Variants in SNTG1 observed in about 807,000 individuals in gnomAD.
The protein encoded by SNTG1 is gamma-1-syntrophin.
In SNTG1, 39 loss-of-function variants were observed where a neutral mutation model predicts 74.7. The ratio of observed to expected loss-of-function variants is 0.52; its 90% CI spans 0.40 to 0.68. The LOEUF is 0.68. Among genes scored for constraint, SNTG1 ranks in the 30% least tolerant of loss-of-function variants. The probability of loss-of-function intolerance (pLI) is 0.00; values close to 1 mark genes in which losing one functional copy is unlikely to be tolerated. For synonymous variants in SNTG1, 254 were observed against 217.1 expected, an observed-to-expected ratio of 1.17 and a Z score of -1.49; for missense variants, 685 against 609.5, an observed-to-expected ratio of 1.12 and a Z score of -1.30.
intron 1 of SNTG1, among the ~76,000 whole-genome samples, chr8:50,005,254 A>G (rs1017434242): frequency 6.6e-6 from 1 of 152,096 alleles, no homozygotes; most frequent in Non-Finnish European, 1.5e-5. Flanking sequence ...ACATATCATC[A>G]AGAGTGTTAT....
chr8:50,622,517 C>T (rs1260657100), intron 13 of SNTG1, among the ~76,000 whole-genome samples: 1 of 151,978 alleles, frequency 6.6e-6, no homozygotes, highest in Non-Finnish European at 1.5e-5. Flanking sequence ...AAGTTTATGT[C>T]TTAAGGTAGT....
intron 15 of SNTG1, among the ~76,000 whole-genome samples, chr8:50,698,995 C>G (rs2095414417): frequency 6.6e-6 from 1 of 152,082 alleles, no homozygotes; most frequent in South Asian, 2.1e-4. Context: ...TCGTGTGTTA[C>G]TGTTGAACTC....
intron 2 of SNTG1, among the ~76,000 whole-genome samples, chr8:50,358,412 G>A (rs2091875742): frequency 6.6e-6 from 1 of 152,160 alleles, no homozygotes; most frequent in Non-Finnish European, 1.5e-5. Flanking sequence ...AACCCTGAAG[G>A]ACAGCATATG....
At chr8:50,188,047 A>G (rs1337527990) in intron 2 of SNTG1, among the ~76,000 whole-genome samples, 3 of 152,184 alleles carry the variant, frequency 2.0e-5, no homozygotes, top group Non-Finnish European at 4.4e-5. Context: ...ATGGCTGGTG[A>G]AAGAGCCTGG....
At position 50,172,604 on chromosome 8, in the gene SNTG1, CA is replaced by C. The variant is rs1172723869; in HGVS notation, c.-55del. ...GAGATTGCCCGAGAAGTGACCCCAG[CA>C]AAAGAAAAATATTGCTGTACCTAAA... On this transcript the variant is annotated 5_prime_UTR_variant, in exon 2 of 19. Coordinates refer to ENST00000642720, the MANE Select transcript of SNTG1 (RefSeq NM_018967.5). 1 of 151,846 alleles carries C rather than the reference CA, an allele frequency of 6.6e-6. No individual in the cohort carries two copies. Among genetic ancestry groups the C allele is most frequent in the Non-Finnish European group, 1.5e-5 (1 of 67,976 alleles). The allele number at this position is 151,846 out of a possible 1,614,324, so 9.4% of individuals were successfully genotyped here.
chr8:50,704,697 C>A lies in SNTG1; in HGVS notation c.1136C>A (p.Ala379Asp), dbSNP rs1000120310. ...YFSVELESDL[A>D]QWERAFQTAT... is the part of the protein sequence containing the mutation. ...TCAGTGGAGCTGGAAAGTGACCTCG[C>A]CCAGTGGGAAAGAGCCTTCCAGACA... The change falls in exon 16 of 19, where the codon GCC (alanine) becomes GAC (aspartate). Residue 379 changes from alanine (A) to aspartate (D), a missense_variant. Ala to Asp is a moderately radical substitution (Grantham distance 126). Transcript: ENST00000642720. 3 of 1,614,092 alleles carry A rather than the reference C, an allele frequency of 1.9e-6. No homozygotes were observed. Among genetic ancestry groups the A allele is most frequent in the Admixed American group, 3.3e-5 (2 of 60,012 alleles).
intron 1 of SNTG1, among the ~76,000 whole-genome samples, chr8:49,938,586 T>TC (rs1481807926): frequency 1.0e-4 from 4 of 39,202 alleles, no homozygotes; most frequent in South Asian, 1.4e-3. Flanking sequence ...TCTTTTCTTT[T>TC]CTTTTCTTTT....
At chr8:50,085,188 T>C (rs1279495431) in intron 1 of SNTG1, among the ~76,000 whole-genome samples, 2 of 152,210 alleles carry the variant, frequency 1.3e-5, no homozygotes, top group Non-Finnish European at 2.9e-5. Flanking sequence ...TTTTAAATTC[T>C]AGGATATTAA....
intron 1 of SNTG1, among the ~76,000 whole-genome samples, chr8:49,927,847 G>A (rs1807169648): frequency 6.6e-6 from 1 of 152,024 alleles, no homozygotes; most frequent in Non-Finnish European, 1.5e-5. Context: ...GCTGGGAGTG[G>A]TGGCTCAAGC....
At chr8:50,702,156 AT>A (rs377454503) in intron 15 of SNTG1, among the ~76,000 whole-genome samples, 4,046 of 151,598 alleles carry the variant, frequency 0.027, 183 homozygotes, top group African/African-American at 0.093. Context: ...CCAGCCTCTT[AT>A]TTTTTTTATA....
chr8:49,964,637 C>T (rs762004554), intron 1 of SNTG1, among the ~76,000 whole-genome samples: 10 of 152,162 alleles, frequency 6.6e-5, no homozygotes, highest in Non-Finnish European at 1.3e-4. Context: ...TGTGGGAAAC[C>T]TCTGGAACAG....
intron 9 of SNTG1, among the ~76,000 whole-genome samples, chr8:50,517,962 G>C (rs1474791118): frequency 6.6e-6 from 1 of 152,172 alleles, no homozygotes; most frequent in African/African-American, 2.4e-5. Flanking sequence ...GGACTTAATA[G>C]ACATCTACAG....
chr8:50,521,653 C>G (rs1446888269), intron 9 of SNTG1, among the ~76,000 whole-genome samples: 1 of 152,130 alleles, frequency 6.6e-6, no homozygotes, highest in Non-Finnish European at 1.5e-5. Flanking sequence ...GGATTTTACC[C>G]ATATTAGAAC....
chr8:49,970,877 C>A (rs962074622), intron 1 of SNTG1, among the ~76,000 whole-genome samples: 6 of 152,168 alleles, frequency 3.9e-5, no homozygotes, highest in African/African-American at 1.4e-4. Flanking sequence ...TGAATGCACA[C>A]AGGACTCAAC....
intron 2 of SNTG1, among the ~76,000 whole-genome samples, chr8:50,201,521 T>G (rs558034377): frequency 6.6e-5 from 10 of 152,126 alleles, no homozygotes; most frequent in Non-Finnish European, 1.3e-4. Context: ...TTATTTTACT[T>G]TTATGGAGCA....
chr8:50,491,959 C>T (rs1480573792), intron 8 of SNTG1, among the ~76,000 whole-genome samples: 1 of 144,524 alleles, frequency 6.9e-6, no homozygotes, highest in Non-Finnish European at 1.5e-5. Context: ...CTGTTCAACT[C>T]CCACTTATGG....
chr8:50,587,550 C>G (rs918868989), intron 12 of SNTG1, among the ~76,000 whole-genome samples: 1 of 152,124 alleles, frequency 6.6e-6, no homozygotes, highest in Non-Finnish European at 1.5e-5. Context: ...CTTGGCCGGG[C>G]GCAGTGGCTC....
intron 2 of SNTG1, among the ~76,000 whole-genome samples, chr8:50,343,294 A>G (rs943316688): frequency 1.3e-5 from 2 of 152,234 alleles, no homozygotes; most frequent in Admixed American, 6.5e-5. Flanking sequence ...AAAGTAGTTT[A>G]TAAACCAAAC....
In SNTG1 at chr8:50,123,459, T is replaced by C. The variant is rs1283279193; in HGVS notation, c.-102-49102T>C. Among the ~76,000 whole-genome samples the C allele has an allele frequency of 2.1e-5, 3 of 142,446 alleles. 1 individual carries two copies. The highest frequency in any genetic ancestry group is 1.4e-4 in the Admixed American group (2 of 13,832). The allele number at this position is 142,446 out of a possible 152,430, so 93.5% of individuals were successfully genotyped here. A position where few individuals can be genotyped will look rare whatever the true frequency, so the allele number is the denominator to read the frequency against. On this transcript the variant is annotated intron_variant, in intron 1 of 18. Transcript: ENST00000642720. ...ATTCAGTTACACTCAGCTAAAATTA[T>C]AGTTTTATTCACTGCTGCCAAAAAT...
Sources: gnomAD v4.1 joint callset for allele counts (sites outside exome capture counted in the v4.1 genomes callset) on GRCh38, gnomAD v4.1.1 for gene constraint, MANE v1.5 for transcripts, NCBI Gene and HGNC (gene_info 2026-07-23, HGNC 2026-07-21) for gene names.